ANKS1B: variants seen among roughly 807,000 people sequenced by gnomAD.
The protein encoded by ANKS1B is ankyrin repeat and sterile alpha motif domain containing 1B.
Under a neutral mutation model 148.3 loss-of-function variants are expected in ANKS1B, and 36 were observed. That is an observed-to-expected ratio of 0.24 (90% CI 0.19 to 0.32). The LOEUF is 0.32. Among genes scored for constraint, ANKS1B ranks in the 10% least tolerant of loss-of-function variants. The pLI is 1.00. For synonymous variants in ANKS1B, 542 were observed against 560.8 expected (o/e 0.97, Z 0.47); for missense variants, 1,157 against 1,542.6 (o/e 0.75, Z 4.19).
At chr12:99,162,055 G>GA (rs543479919) in intron 14 of ANKS1B, among the ~76,000 whole-genome samples, 57 of 145,002 alleles carry the variant, frequency 3.9e-4, no homozygotes, top group East Asian at 1.0e-3. Context: ...CATGCCAAGT[G>GA]AAAAAAAAAA....
chr12:98,882,553 T>A (rs1472302439), intron 17 of ANKS1B, among the ~76,000 whole-genome samples: 2 of 152,152 alleles, frequency 1.3e-5, no homozygotes, highest in African/African-American at 4.8e-5. Flanking sequence ...AGACAAAAAC[T>A]AGCTTTGTGA....
intron 1 of ANKS1B, among the ~76,000 whole-genome samples, chr12:99,892,341 T>C (rs953968324): frequency 1.3e-5 from 2 of 152,102 alleles, no homozygotes; most frequent in African/African-American, 4.8e-5. Flanking sequence ...ACACACCGAA[T>C]GCATGCATTA....
intron 14 of ANKS1B, among the ~76,000 whole-genome samples, chr12:99,236,201 G>A (rs974344282): frequency 1.3e-5 from 2 of 152,186 alleles, no homozygotes; most frequent in African/African-American, 4.8e-5. Flanking sequence ...AAACTGCAAG[G>A]ATAATACTAT....
At chr12:98,843,725 AG>A (rs1426185516) in intron 17 of ANKS1B, among the ~76,000 whole-genome samples, 1 of 152,222 alleles carries the variant, frequency 6.6e-6, no homozygotes, top group Non-Finnish European at 1.5e-5. Context: ...AAGCAAGGGT[AG>A]AGGGCATATT....
intron 17 of ANKS1B, among the ~76,000 whole-genome samples, chr12:98,902,544 C>A (rs1351761673): frequency 2.0e-5 from 3 of 152,152 alleles, no homozygotes; most frequent in Non-Finnish European, 2.9e-5. Context: ...ATTAGAGACT[C>A]ATACTTGGAG....
intron 9 of ANKS1B, among the ~76,000 whole-genome samples, chr12:99,602,423 T>C (rs527654587): frequency 6.6e-6 from 1 of 152,074 alleles, no homozygotes; most frequent in South Asian, 2.1e-4. Context: ...GTCATTTCTA[T>C]AAAAACAAAA....
At chr12:99,314,452 A>G (rs1168741993) in intron 12 of ANKS1B, among the ~76,000 whole-genome samples, 1 of 152,212 alleles carries the variant, frequency 6.6e-6, no homozygotes. Context: ...AAGACCCCAT[A>G]TATCCAAGAA....
intron 9 of ANKS1B, among the ~76,000 whole-genome samples, chr12:98,736,584 G>C (rs2097774408): frequency 6.6e-6 from 1 of 152,198 alleles, no homozygotes; most frequent in Admixed American, 6.5e-5. Flanking sequence ...AGAAATCTGA[G>C]AGTCATCAGT....
intron 22 of ANKS1B, among the ~76,000 whole-genome samples, chr12:98,798,436 T>A (rs1233954273): frequency 2.0e-5 from 3 of 151,876 alleles, no homozygotes; most frequent in Non-Finnish European, 4.4e-5. Context: ...TTGCCATTTT[T>A]AGTTAACATT....
chr12:99,598,140 A>G (rs533200482), intron 9 of ANKS1B, among the ~76,000 whole-genome samples: 44 of 152,222 alleles, frequency 2.9e-4, no homozygotes, highest in African/African-American at 1.1e-3. Flanking sequence ...CACATTAGAT[A>G]AAACATATAG....
chr12:99,347,800 T>A (rs1350093091), intron 12 of ANKS1B, among the ~76,000 whole-genome samples: 1 of 133,842 alleles, frequency 7.5e-6, no homozygotes, highest in Admixed American at 7.1e-5. Flanking sequence ...GATATTAGAC[T>A]TCCAAAAAAA....
At position 99,606,609 on chromosome 12, in the gene ANKS1B, T is replaced by A. The variant is rs535021201; in HGVS notation, c.1272+48458A>T. ...ACATAAACTTATGAATAATCATATA[T>A]GTTTTCATATTTTAACTTACTTAGA... is the stretch of plus-strand genomic sequence containing the variant. On this transcript the variant is annotated intron_variant, in intron 9 of 26. Coordinates refer to ENST00000683438, the MANE Select transcript of ANKS1B (RefSeq NM_001352186.2). Among the ~76,000 whole-genome samples the A allele has an allele frequency of 5.9e-5, 9 of 152,214 alleles. No individual in the cohort carries two copies. The South Asian group carries it at 1.7e-3, about 28-fold the overall frequency.
At chr12:99,410,510 A>G (rs892753846) in intron 11 of ANKS1B, among the ~76,000 whole-genome samples, 1 of 152,170 alleles carries the variant, frequency 6.6e-6, no homozygotes. Context: ...TCTACTAAAA[A>G]TACAAAAAAT....
intron 10 of ANKS1B, among the ~76,000 whole-genome samples, chr12:99,469,361 A>C (rs2096198026): frequency 6.6e-6 from 1 of 151,828 alleles, no homozygotes; most frequent in Non-Finnish European, 1.5e-5. Context: ...TGGTGGGTGC[A>C]GCACACCAGC....
intron 16 of ANKS1B, among the ~76,000 whole-genome samples, chr12:99,078,280 T>C (rs903440700): frequency 6.6e-6 from 1 of 152,164 alleles, no homozygotes; most frequent in Non-Finnish European, 1.5e-5. Flanking sequence ...TCCAATAGAG[T>C]TTAGTAGACT....
chr12:99,157,044 A>G (rs2076138131), intron 14 of ANKS1B, among the ~76,000 whole-genome samples: 1 of 152,170 alleles, frequency 6.6e-6, no homozygotes, highest in Non-Finnish European at 1.5e-5. Flanking sequence ...CACTTTTTGA[A>G]TAAGCAGCCC....
chr12:99,892,343 C>T lies in ANKS1B; in HGVS notation c.135-66954G>A, dbSNP rs151276313. On this transcript the variant is annotated intron_variant, in intron 1 of 26. Coordinates refer to ENST00000683438, the MANE Select transcript of ANKS1B (RefSeq NM_001352186.2). ...GAAATAAAAGCTGACACACCGAATG[C>T]ATGCATTAACCTACATATACACTCT... Among the ~76,000 whole-genome samples the T allele has an allele frequency of 5.4e-3, 827 of 152,220 alleles. 10 individuals are homozygous for T. Among genetic ancestry groups the T allele is most frequent in the African/African-American group, 0.019 (777 of 41,534 alleles).
At chr12:99,289,404 C>T (rs2079592280) in intron 12 of ANKS1B, among the ~76,000 whole-genome samples, 1 of 152,006 alleles carries the variant, frequency 6.6e-6, no homozygotes, top group Non-Finnish European at 1.5e-5. Context: ...TTAATCTATA[C>T]TATAGAACAA....
chr12:99,621,589 A>C (rs1317130458), intron 9 of ANKS1B, among the ~76,000 whole-genome samples: 1 of 152,078 alleles, frequency 6.6e-6, no homozygotes, highest in Non-Finnish European at 1.5e-5. Flanking sequence ...AAAATGAAAA[A>C]GAGCAAGGGT....
Sources: allele counts gnomAD v4.1 joint callset (sites outside exome capture counted in the v4.1 genomes callset), GRCh38; gene constraint gnomAD v4.1.1; transcripts MANE v1.5; gene names NCBI Gene and HGNC (gene_info 2026-07-23, HGNC 2026-07-21).